Variants in FGF2 observed in about 807,000 individuals in gnomAD.
FGF2 encodes fibroblast growth factor 2.
In FGF2, 13 loss-of-function variants were observed where a neutral mutation model predicts 15.9. That is an observed-to-expected ratio of 0.82 (90% confidence interval 0.53 to 1.30). FGF2 has a LOEUF of 1.30. FGF2 is among the 50% of genes most tolerant of loss of function. The probability of loss-of-function intolerance (pLI) is 0.00; values close to 1 mark genes in which losing one functional copy is unlikely to be tolerated. For missense variants in FGF2, 163 were observed against 196.9 expected (o/e 0.83, Z 1.03); for synonymous variants, 90 against 78.4 (o/e 1.15, Z -0.78).
intron 2 of FGF2, chr4:122,883,102 G>A (rs1025656547): frequency 6.6e-6 from 1 of 152,176 alleles, no homozygotes; most frequent in Non-Finnish European, 1.5e-5. Flanking sequence ...ACTTGCCAGA[G>A]GCATAGTCCT....
rs1283445372 is a variant in FGF2 at position 122,827,168 on chromosome 4, A to C, written c.-7A>C. On this transcript the variant is annotated 5_prime_UTR_variant, in exon 1 of 3. Transcript: ENST00000644866. This position sits in a 1 kb window ranked among gnomAD's most constrained non-coding sequence, Gnocchi z 4.2. ...CTCGGGGATCCCGGCCGGGCCCCGC[A>C]GGGACCATGGCAGCCGGGAGCATCA... 6.5e-7 allele frequency: 1 copy of C among 1,540,438 alleles called. No individual in the cohort carries two copies. Among genetic ancestry groups the C allele is most frequent in the Non-Finnish European group, 8.7e-7 (1 of 1,147,012 alleles).
intron 2 of FGF2, among the ~76,000 whole-genome samples, chr4:122,888,463 T>G (rs1394697067): frequency 6.6e-6 from 1 of 152,184 alleles, no homozygotes; most frequent in African/African-American, 2.4e-5. Flanking sequence ...CTCCATTTTC[T>G]TAGAATAAGA....
Position 122,892,874 on chromosome 4 carries a change from T to C in FGF2, c.*478T>C, listed in dbSNP as rs1208516087. On this transcript the variant is annotated 3_prime_UTR_variant, in exon 3 of 3. Coordinates refer to ENST00000644866, the MANE Select transcript of FGF2 (RefSeq NM_001361665.2). ...TTTATAATTCTCTGGCAGTTCCTTA[T>C]GATAGAGTTTATAAAACAGTCCTGT... 2 of 1,612,028 alleles carry C rather than the reference T, an allele frequency of 1.2e-6. No individual in the cohort carries two copies. Among genetic ancestry groups the C allele is most frequent in the Non-Finnish European group, 1.7e-6 (2 of 1,178,596 alleles).
chr4:122,830,626 GC>G (rs1011226686), intron 1 of FGF2, among the ~76,000 whole-genome samples: 18 of 152,152 alleles, frequency 1.2e-4, no homozygotes, highest in African/African-American at 4.3e-4. Flanking sequence ...CTTTTGGCAG[GC>G]CTCTTTCAAT....
At chr4:122,854,223 G>A (rs575059842) in intron 1 of FGF2, among the ~76,000 whole-genome samples, 47 of 152,284 alleles carry the variant, frequency 3.1e-4, no homozygotes, top group African/African-American at 1.1e-3. Context: ...AACATAGAAA[G>A]GCATTCGCCT....
intron 1 of FGF2, among the ~76,000 whole-genome samples, chr4:122,875,904 A>T (rs1287599547): frequency 6.6e-6 from 1 of 152,256 alleles, no homozygotes; most frequent in African/African-American, 2.4e-5. Context: ...TAGTTTCAAC[A>T]TAGGCAGTAG....
At chr4:122,850,165 G>A (rs1051032573) in intron 1 of FGF2, among the ~76,000 whole-genome samples, 2 of 151,912 alleles carry the variant, frequency 1.3e-5, no homozygotes, top group Non-Finnish European at 2.9e-5. Flanking sequence ...GGGAGACTCA[G>A]GCACAAAAAT....
chr4:122,894,954 A>G lies in FGF2; in HGVS notation c.*2558A>G, dbSNP rs760065305. 2 of 152,184 alleles carry G rather than the reference A, an allele frequency of 1.3e-5. No homozygotes were observed. The highest frequency in any genetic ancestry group is 2.4e-5 in the African/African-American group (1 of 41,438). The allele number at this position is 152,184 out of a possible 1,614,324, so 9.4% of individuals were successfully genotyped here. A position where few individuals can be genotyped will look rare whatever the true frequency, so the allele number is the denominator to read the frequency against. On this transcript the variant is annotated 3_prime_UTR_variant, in exon 3 of 3. Coordinates refer to ENST00000644866, the MANE Select transcript of FGF2 (RefSeq NM_001361665.2). ...GTAGCTCATGATCTATGCTGTTTCT[A>G]TGTCGTGGAAGCACTGGATGGGGGT...
intron 1 of FGF2, among the ~76,000 whole-genome samples, chr4:122,859,237 CT>C (rs150329121): frequency 0.05 from 7,627 of 152,198 alleles, 302 homozygotes; most frequent in Non-Finnish European, 0.074. Flanking sequence ...CTTTGTAGGT[CT>C]TTGTCACTGT....
chr4:122,848,846 A>T (rs1233198796), intron 1 of FGF2, among the ~76,000 whole-genome samples: 1 of 152,206 alleles, frequency 6.6e-6, no homozygotes, highest in Non-Finnish European at 1.5e-5. Context: ...GAGGTCCAAG[A>T]TGACACTGAA....
chr4:122,829,473 CTTTAT>C (rs1300125275), intron 1 of FGF2, among the ~76,000 whole-genome samples: 1 of 152,192 alleles, frequency 6.6e-6, no homozygotes, highest in Non-Finnish European at 1.5e-5. Context: ...ACTCTGCTAA[CTTTAT>C]AACTAGCTAA....
Position 122,893,014 on chromosome 4 carries a change from C to G in FGF2, c.*618C>G. On this transcript the variant is annotated 3_prime_UTR_variant, in exon 3 of 3. Transcript: ENST00000644866. ...TGATGGGAGTTGTATTTTCAGTCTT[C>G]GCCAGGTCATTGAGATCCATCCACT... The G allele has an allele frequency of 6.2e-7, 1 of 1,614,132 alleles. No individual in the cohort carries two copies. The highest frequency in any genetic ancestry group is 1.6e-4 in the Middle Eastern group (1 of 6,062).
Position 122,893,200 on chromosome 4 carries a change from A to T in FGF2, c.*804A>T. 1 of 1,609,412 alleles carries T rather than the reference A, an allele frequency of 6.2e-7. No individual in the cohort carries two copies. The stretch of plus-strand genomic sequence containing the variant: ...ATTCTGATTTTATACCAGTCTCTTC[A>T]AAAACTTCTCGAACCGCTGTGTCTC... On this transcript the variant is annotated 3_prime_UTR_variant, in exon 3 of 3. Transcript: ENST00000644866.
At position 122,877,088 on chromosome 4, in the gene FGF2, A is replaced by G. The variant is rs540375952; in HGVS notation, c.282+664A>G. 7.2e-5 allele frequency among the ~76,000 whole-genome samples: 11 copies of G among 151,796 alleles called. No individual in the cohort carries two copies. The East Asian group carries it at 2.1e-3, about 29-fold the overall frequency. ...TCCTCACATTACTTCTCATTTACAT[A>G]TATGTCAGGAGAGGGACTTTTTTTT... On this transcript the variant is annotated intron_variant, in intron 2 of 2. Transcript: ENST00000644866.
intron 1 of FGF2, among the ~76,000 whole-genome samples, chr4:122,845,978 A>G (rs775882725): frequency 4.6e-5 from 7 of 152,142 alleles, no homozygotes; most frequent in Non-Finnish European, 8.8e-5. Flanking sequence ...AGGCTTAATC[A>G]TTTCTAGATT....
chr4:122,865,705 A>G (rs1411563772), intron 1 of FGF2, among the ~76,000 whole-genome samples: 2 of 152,192 alleles, frequency 1.3e-5, no homozygotes, highest in African/African-American at 4.8e-5. Flanking sequence ...TTTCAAATGT[A>G]TTGAGGCTTG....
At chr4:122,892,181 A>AT in intron 2 of FGF2, 30 bp from the exon 3 acceptor site, 1 of 1,513,858 alleles carries the variant, frequency 6.6e-7, no homozygotes, top group Non-Finnish European at 9.2e-7. Context: ...AATGATAATA[A>AT]TAACAGGTAA....
intron 1 of FGF2, among the ~76,000 whole-genome samples, chr4:122,845,357 C>T (rs1726088180): frequency 1.3e-5 from 2 of 152,206 alleles, no homozygotes; most frequent in South Asian, 4.1e-4. Context: ...TTGGCTTCCA[C>T]TTAAAGTCGC....
chr4:122,896,201 A>G lies in FGF2; in HGVS notation c.*3805A>G, dbSNP rs900637119. ...AAGCACTTTTTTTTTTTTTAAAGAA[A>G]AAAAGGTAGTGAATTTTTAATCATC... On this transcript the variant is annotated 3_prime_UTR_variant, in exon 3 of 3. Transcript: ENST00000644866. 1.3e-5 allele frequency: 2 copies of G among 152,552 alleles called. No homozygotes were observed. The highest frequency in any genetic ancestry group is 2.4e-5 in the African/African-American group (1 of 41,418). 9.4% of individuals were successfully genotyped at this position (152,552 alleles called of 1,614,324 possible).
Sources: gnomAD v4.1 joint callset for allele counts (sites outside exome capture counted in the v4.1 genomes callset) on GRCh38, gnomAD v4.1.1 for gene constraint, Gnocchi (gnomAD v3.1) non-coding constraint, MANE v1.5 for transcripts, NCBI Gene and HGNC (gene_info 2026-07-23, HGNC 2026-07-21) for gene names.